Variants in CELF2 observed in about 807,000 individuals in gnomAD.
CELF2 encodes CUG triplet repeat RNA-binding protein 2.
A neutral mutation model predicts 62.6 loss-of-function variants in CELF2; 8 were observed. The observed-to-expected ratio is 0.13, with a 90% confidence interval of 0.07 to 0.23. The LOEUF is 0.23. CELF2 is among the 10% of genes least tolerant of loss of function. The probability of loss-of-function intolerance (pLI) is 1.00; values close to 1 mark genes in which losing one functional copy is unlikely to be tolerated. For missense variants in CELF2, 333 were observed against 671.0 expected (o/e 0.50, Z 5.56); for synonymous variants, 258 against 250.0 (o/e 1.03, Z -0.30).
chr10:11,313,072 A>G (rs899237206), intron 9 of CELF2, among the ~76,000 whole-genome samples: 1 of 152,256 alleles, frequency 6.6e-6, no homozygotes, highest in African/African-American at 2.4e-5. Flanking sequence ...GATGTAGCCA[A>G]AATACAAACA....
At chr10:10,462,615 C>CTTTTT in the CELF2 span, among the ~76,000 whole-genome samples, 27 of 69,388 alleles carry the variant, frequency 3.9e-4, no homozygotes, top group South Asian at 2.8e-3. Flanking sequence ...TTTTTTTCAT[C>CTTTTT]TTTTTTTTTT....
At chr10:10,535,326 A>G in the CELF2 span, among the ~76,000 whole-genome samples, 1 of 152,236 alleles carries the variant, frequency 6.6e-6, no homozygotes, top group Non-Finnish European at 1.5e-5. Flanking sequence ...TCTGGTTCCC[A>G]TAGCAGGCTG....
the CELF2 span, among the ~76,000 whole-genome samples, chr10:10,616,084 T>C: frequency 6.6e-6 from 1 of 152,098 alleles, no homozygotes; most frequent in African/African-American, 2.4e-5. Context: ...GATAAGGTGA[T>C]TGGCATATAA....
In CELF2 at chr10:10,815,371, T is replaced by C. The variant is rs529764964; in HGVS notation, c.53+16554T>C. On this transcript the variant is annotated intron_variant, in intron 1 of 13. Transcript: ENST00000636488. ...GAGGAAATGGTCATTATTTATATCA[T>C]TGAAAGAGGGGAGTGTTTGTTTGAG... 5.1e-4 allele frequency among the ~76,000 whole-genome samples: 77 copies of C among 149,586 alleles called. 1 individual carries two copies. In the South Asian group the frequency reaches 9.8e-3, roughly 19 times the overall value.
intron 2 of CELF2, chr10:10,920,095 G>A (rs2064746091): frequency 1.1e-6 from 1 of 909,888 alleles, no homozygotes; most frequent in African/African-American, 1.7e-5. Context: ...TTCTCATTTT[G>A]TCTTCCTCAT....
the CELF2 span, among the ~76,000 whole-genome samples, chr10:10,562,248 A>T: frequency 2.1e-4 from 32 of 152,168 alleles, no homozygotes; most frequent in Admixed American, 1.3e-4. Context: ...CCTTGTGTAG[A>T]TGGTGGGCAG....
the CELF2 span, among the ~76,000 whole-genome samples, chr10:10,469,391 T>C: frequency 3.3e-5 from 5 of 152,000 alleles, no homozygotes; most frequent in African/African-American, 1.2e-4. Flanking sequence ...TTCCCAGTCT[T>C]AAGGGAAACA....
rs2056294893 is a variant in CELF2, at chr10:11,010,634, G to A, written c.53+5194G>A. 6.6e-6 allele frequency among the ~76,000 whole-genome samples: 1 copy of A among 152,192 alleles called. No individual in the cohort carries two copies. The highest frequency in any genetic ancestry group is 1.5e-5 in the Non-Finnish European group (1 of 68,036). On this transcript the variant is annotated intron_variant, in intron 1 of 12. Coordinates refer to the CELF2 transcript ENST00000416382. This position sits in a 1 kb window ranked among gnomAD's most constrained non-coding sequence, Gnocchi z 4.1. Reference sequence around the variant, plus strand: ...GTAAAGTCACAGGCCCATAGACACAGTGGGAGGAACTATGACCCTGTATTC... The same window carrying A: ...GTAAAGTCACAGGCCCATAGACACAATGGGAGGAACTATGACCCTGTATTC...
chr10:10,862,371 G>C (rs993015038), intron 1 of CELF2, among the ~76,000 whole-genome samples: 1 of 152,184 alleles, frequency 6.6e-6, no homozygotes, highest in Non-Finnish European at 1.5e-5. Context: ...TGTGTATTCA[G>C]TTTGGCTCAC....
chr10:10,666,109 A>C, the CELF2 span, among the ~76,000 whole-genome samples: 1 of 152,062 alleles, frequency 6.6e-6, no homozygotes, highest in African/African-American at 2.4e-5. Context: ...TTTCTTTCAT[A>C]CTTATTTACT....
At chr10:10,797,279 G>A (rs1402484799), upstream of CELF2, among the ~76,000 whole-genome samples, 1 of 151,982 alleles carries the variant, frequency 6.6e-6, no homozygotes, top group East Asian at 1.9e-4. Flanking sequence ...ACAAAGCACT[G>A]AATCACAATA....
the CELF2 span, among the ~76,000 whole-genome samples, chr10:10,508,520 A>G: frequency 6.6e-6 from 1 of 152,196 alleles, no homozygotes; most frequent in Non-Finnish European, 1.5e-5. Context: ...GGATTTATCT[A>G]AGCCCTGGCT....
the CELF2 span, among the ~76,000 whole-genome samples, chr10:10,462,615 C>CTTTTTTTTTTTTTTTTTTTTTTTTT: frequency 1.9e-4 from 13 of 69,410 alleles, no homozygotes; most frequent in Admixed American, 4.2e-4. Flanking sequence ...TTTTTTTCAT[C>CTTTTTTTTTTTTTTTTTTTTTTTTT]TTTTTTTTTT....
rs965696836 is a variant in CELF2 at position 11,207,490 on chromosome 10, G to C, written c.272-9935G>C. Among the ~76,000 whole-genome samples the C allele has an allele frequency of 2.6e-5, 4 of 152,216 alleles. No homozygotes were observed. In the South Asian group the frequency reaches 8.3e-4, roughly 32 times the overall value. ...CAGTGAGATCATTGTTCCCTCCCGGGCTGAAAAGGTGGCTCAGATTTGCTG... is the reference window on the plus strand; with the variant it reads ...CAGTGAGATCATTGTTCCCTCCCGGCCTGAAAAGGTGGCTCAGATTTGCTG... On this transcript the variant is annotated intron_variant, in intron 2 of 12. Transcript: ENST00000633077. The surrounding 1 kb of genome is among the most constrained non-coding windows in gnomAD (Gnocchi z 4.1).
the CELF2 span, among the ~76,000 whole-genome samples, chr10:10,691,006 A>T: frequency 1.3e-5 from 2 of 151,714 alleles, no homozygotes; most frequent in East Asian, 3.9e-4. Context: ...GATTATGGTG[A>T]TTTTTTTTTA....
intron 7 of CELF2, among the ~76,000 whole-genome samples, 178 bp downstream of exon 7, chr10:11,271,002 T>C (rs2083588958): frequency 6.6e-6 from 1 of 152,238 alleles, no homozygotes; most frequent in Non-Finnish European, 1.5e-5. Flanking sequence ...AGAACAGGAC[T>C]AATTGAATTC....
the CELF2 span, among the ~76,000 whole-genome samples, chr10:10,684,467 G>T: frequency 6.6e-6 from 1 of 152,158 alleles, no homozygotes; most frequent in Non-Finnish European, 1.5e-5. Context: ...AATGAGCCAG[G>T]CACAGTGGCT....
At chr10:11,085,831 C>T (rs992716764) in intron 1 of CELF2, among the ~76,000 whole-genome samples, 2 of 152,162 alleles carry the variant, frequency 1.3e-5, no homozygotes, top group Non-Finnish European at 2.9e-5. Flanking sequence ...TCCTGGGTCA[C>T]CACTCCATTT....
chr10:11,249,301 C>A, intron 4 of CELF2, 100 bp downstream of exon 4: 1 of 945,460 alleles, frequency 1.1e-6, no homozygotes, highest in South Asian at 1.3e-5. Flanking sequence ...GCTTTTCTCT[C>A]TAGAGGACAG....
Sources: gnomAD v4.1 joint callset for allele counts (sites outside exome capture counted in the v4.1 genomes callset) on GRCh38, gnomAD v4.1.1 for gene constraint, Gnocchi (gnomAD v3.1) non-coding constraint, MANE v1.5 for transcripts, NCBI Gene and HGNC (gene_info 2026-07-23, HGNC 2026-07-21) for gene names.